PITPNC1: variants seen among roughly 807,000 people sequenced by gnomAD.
The protein encoded by PITPNC1 is phosphatidylinositol transfer protein cytoplasmic 1.
A neutral mutation model predicts 44.7 loss-of-function variants in PITPNC1; 18 were observed. That is an observed-to-expected ratio of 0.40 (90% confidence interval 0.28 to 0.60). The LOEUF is 0.60. PITPNC1 is among the 20% of genes least tolerant of loss of function. PITPNC1 has a pLI of 0.39. For missense variants in PITPNC1, 290 were observed against 418.4 expected, an observed-to-expected ratio of 0.69 and a Z score of 2.68; for synonymous variants, 141 against 149.6, an observed-to-expected ratio of 0.94 and a Z score of 0.42.
intron 1 of PITPNC1, among the ~76,000 whole-genome samples, chr17:67,408,331 A>G (rs1020049126): frequency 6.6e-6 from 1 of 151,002 alleles, no homozygotes; most frequent in African/African-American, 2.4e-5. Context: ...TTTGAGACCA[A>G]CCAGCCTGGC....
At chr17:67,663,422 T>C (rs2042376822) in intron 6 of PITPNC1, among the ~76,000 whole-genome samples, 1 of 151,870 alleles carries the variant, frequency 6.6e-6, no homozygotes, top group African/African-American at 2.4e-5. Flanking sequence ...TACAAAAAAT[T>C]AGCCGGGCAT....
intron 2 of PITPNC1, among the ~76,000 whole-genome samples, chr17:67,544,364 C>G (rs914915961): frequency 6.6e-6 from 1 of 152,086 alleles, no homozygotes; most frequent in Non-Finnish European, 1.5e-5. Context: ...TCGCTAGCAT[C>G]TCTCGGATCC....
chr17:67,422,991 A>ATT (rs539782599), intron 1 of PITPNC1, among the ~76,000 whole-genome samples: 1 of 144,060 alleles, frequency 6.9e-6, no homozygotes, highest in Admixed American at 6.9e-5. Flanking sequence ...GTATGCTAGC[A>ATT]TTTTTTTTTT....
intron 8 of PITPNC1, among the ~76,000 whole-genome samples, chr17:67,679,775 G>C (rs951311005): frequency 3.3e-5 from 5 of 152,216 alleles, no homozygotes; most frequent in Non-Finnish European, 5.9e-5. Flanking sequence ...CTCTCTGCAC[G>C]ACTAGAACGC....
chr17:67,613,511 T>C (rs1279330523), intron 5 of PITPNC1: 2 of 152,204 alleles, frequency 1.3e-5, no homozygotes. Context: ...CAGTTGCAGA[T>C]TGGCTCATTT....
intron 1 of PITPNC1, among the ~76,000 whole-genome samples, chr17:67,463,482 A>G (rs1567999735): frequency 6.6e-6 from 1 of 152,206 alleles, no homozygotes. Flanking sequence ...TACTTCACAT[A>G]GTACATTGGA....
intron 1 of PITPNC1, chr17:67,457,556 T>A (rs2039273173): frequency 6.6e-6 from 1 of 152,288 alleles, no homozygotes; most frequent in Non-Finnish European, 1.5e-5. Context: ...CCAGCTAATT[T>A]TTTTTGTATT....
At chr17:67,496,907 A>G (rs996203792) in intron 1 of PITPNC1, among the ~76,000 whole-genome samples, 2 of 151,574 alleles carry the variant, frequency 1.3e-5, no homozygotes, top group East Asian at 1.9e-4. Flanking sequence ...AGAGCTTACC[A>G]TAGTTTAAAA....
At chr17:67,513,489 G>GTGTATATATATA (rs772483698) in intron 1 of PITPNC1, among the ~76,000 whole-genome samples, 22 of 138,662 alleles carry the variant, frequency 1.6e-4, no homozygotes, top group African/African-American at 4.8e-4. Flanking sequence ...GTGTGTGTGT[G>GTGTATATATATA]TATATATATA....
intron 1 of PITPNC1, among the ~76,000 whole-genome samples, chr17:67,460,805 C>T (rs1367140786): frequency 1.8e-4 from 26 of 144,752 alleles, no homozygotes; most frequent in African/African-American, 4.7e-4. Context: ...AATGCAGCGG[C>T]GCGACGGTGG....
At position 67,425,254 on chromosome 17, in the gene PITPNC1, CACACACACAG is replaced by C. The variant is rs1392366577; in HGVS notation, c.48+47054_48+47063del. Among the ~76,000 whole-genome samples the C allele has an allele frequency of 9.0e-3, 1,085 of 119,934 alleles. 23 individuals are homozygous for C. Among genetic ancestry groups the C allele is most frequent in the Middle Eastern group, 0.029 (6 of 208 alleles). The allele number at this position is 119,934 out of a possible 152,430, so 78.7% of individuals were successfully genotyped here. A position where few individuals can be genotyped will look rare whatever the true frequency, so the allele number is the denominator to read the frequency against. On this transcript the variant is annotated intron_variant, in intron 1 of 8. Coordinates refer to ENST00000581322, the MANE Select transcript of PITPNC1 (RefSeq NM_012417.4). ...ACACACACACACACACACACACACA[CACACACACAG>C]AGGGAGAGAGAGAGAGAAATGACCT...
In PITPNC1 at chr17:67,676,064, G is replaced by A. The variant is rs572303208; in HGVS notation, c.682+522G>A. Reference sequence around the variant, plus strand: ...TACTAAATAATACAAAAAATTAGCCGGGCATGGTGGCAGGCACCTGTAGTC... The same window carrying A: ...TACTAAATAATACAAAAAATTAGCCAGGCATGGTGGCAGGCACCTGTAGTC... On this transcript the variant is annotated intron_variant, in intron 8 of 8. Transcript: ENST00000581322. This position sits in a 1 kb window ranked among gnomAD's most constrained non-coding sequence, Gnocchi z 4.0. Among the ~76,000 whole-genome samples the A allele has an allele frequency of 5.9e-5, 9 of 152,168 alleles. No individual in the cohort carries two copies. The highest frequency in any genetic ancestry group is 1.9e-4 in the African/African-American group (8 of 41,534).
chr17:67,589,616 A>AAG (rs1240517775), intron 5 of PITPNC1, among the ~76,000 whole-genome samples: 22 of 152,178 alleles, frequency 1.4e-4, no homozygotes, highest in African/African-American at 5.3e-4. Flanking sequence ...AAAAAAAAAA[A>AAG]AAAAGCCATC....
chr17:67,569,702 C>T (rs1447681080), intron 4 of PITPNC1, among the ~76,000 whole-genome samples: 2 of 152,146 alleles, frequency 1.3e-5, no homozygotes, highest in African/African-American at 4.8e-5. Flanking sequence ...TTACGTGGAT[C>T]TAAGCTAGAA....
At chr17:67,396,043 G>A (rs755393403) in intron 1 of PITPNC1, among the ~76,000 whole-genome samples, 1 of 152,212 alleles carries the variant, frequency 6.6e-6, no homozygotes, top group Non-Finnish European at 1.5e-5. Flanking sequence ...ACAGCTGAGT[G>A]TAATTATGCT....
At chr17:67,627,066 ATGG>A (rs36041634) in intron 5 of PITPNC1, among the ~76,000 whole-genome samples, 12,830 of 152,086 alleles carry the variant, frequency 0.084, 611 homozygotes, top group South Asian at 0.14. Flanking sequence ...CCTGGCCAAT[ATGG>A]TGGTAAAACC....
intron 1 of PITPNC1, among the ~76,000 whole-genome samples, chr17:67,425,204 CACACACACA>C (rs2038740443): frequency 3.7e-4 from 4 of 10,720 alleles, no homozygotes; most frequent in Non-Finnish European, 7.5e-4. Flanking sequence ...CACGCACACG[CACACACACA>C]CACACACACA....
At chr17:67,425,249 A>G (rs2038743896) in intron 1 of PITPNC1, among the ~76,000 whole-genome samples, 1 of 145,276 alleles carries the variant, frequency 6.9e-6, no homozygotes, top group African/African-American at 2.6e-5. Flanking sequence ...ACACACACAC[A>G]CACACACACA....
chr17:67,611,074 T>C (rs2041681770), intron 5 of PITPNC1, among the ~76,000 whole-genome samples: 1 of 152,220 alleles, frequency 6.6e-6, no homozygotes, highest in South Asian at 2.1e-4. Context: ...TCAACATACC[T>C]GGTGTTCAGT....
Sources: allele counts gnomAD v4.1 joint callset (sites outside exome capture counted in the v4.1 genomes callset), GRCh38; gene constraint gnomAD v4.1.1; non-coding constraint Gnocchi (gnomAD v3.1); transcripts MANE v1.5; gene names NCBI Gene and HGNC (gene_info 2026-07-23, HGNC 2026-07-21).